The following TLE2 variants were observed in gnomAD, a reference collection of about 807,000 sequenced individuals.
TLE2 encodes TLE family member 2, transcriptional corepressor.
A neutral mutation model predicts 97.2 loss-of-function variants in TLE2; 74 were observed. The observed-to-expected ratio is 0.76, with a 90% CI of 0.63 to 0.92. The LOEUF is 0.92. Ranked by LOEUF, TLE2 falls within the 40% of genes least tolerant of loss-of-function variation. The probability of loss-of-function intolerance (pLI) is 0.00; values close to 1 mark genes in which losing one functional copy is unlikely to be tolerated. For missense variants in TLE2, 1,038 were observed against 1,008.7 expected (o/e 1.03, Z -0.39); for synonymous variants, 499 against 432.1 (o/e 1.15, Z -1.92).
chr19:3,029,957 C>A (rs2090009606), upstream of TLE2, among the ~76,000 whole-genome samples: 1 of 152,084 alleles, frequency 6.6e-6, no homozygotes, highest in Admixed American at 6.6e-5. Context: ...CCACCACGCC[C>A]AGCTAATTTT....
rs374951690 is a variant in TLE2, at chr19:3,005,710, C to T, written c.1748+11G>A. On this transcript the variant is annotated intron_variant, in intron 16 of 19. Coordinates refer to ENST00000262953, the MANE Select transcript of TLE2 (RefSeq NM_003260.5). ...GGGCTTGCCCAAGGTCCCAGCGCAC[C>T]TGCCACCCACCTGACCATAGTCTGA... The T allele has an allele frequency of 5.1e-4, 826 of 1,611,110 alleles. No homozygotes were observed. The highest frequency in any genetic ancestry group is 6.3e-4 in the Non-Finnish European group (743 of 1,177,834).
rs777614078 is a variant in TLE2, at chr19:2,997,784, G to T, written c.*64C>A. On this transcript the variant is annotated 3_prime_UTR_variant, in exon 20 of 20. Transcript: ENST00000262953. ...AGGGCTGGGAGGCGGCTGCTAGGATGTCTGTCCTGGCTGCTGATTCCCCTG... is the reference window on the plus strand; with the variant it reads ...AGGGCTGGGAGGCGGCTGCTAGGATTTCTGTCCTGGCTGCTGATTCCCCTG... The T allele has an allele frequency of 9.4e-5, 117 of 1,249,172 alleles. No homozygotes were observed. Among genetic ancestry groups the T allele is most frequent in the Non-Finnish European group, 1.2e-4 (108 of 870,256 alleles). 77.4% of individuals were successfully genotyped at this position (1,249,172 alleles called of 1,614,324 possible).
chr19:3,021,114 A>AG (rs148602558), intron 5 of TLE2, among the ~76,000 whole-genome samples: 1,229 of 45,252 alleles, frequency 0.027, 58 homozygotes, highest in Non-Finnish European at 0.037. Context: ...AAAAAAAAAA[A>AG]GGGGGGGGGG....
intron 5 of TLE2, chr19:3,020,034 G>C (rs1163646980): frequency 9.8e-6 from 5 of 509,298 alleles, no homozygotes; most frequent in Non-Finnish European, 1.7e-5. Flanking sequence ...TGGAATCCCA[G>C]CGCTTTGGAA....
intron 5 of TLE2, 118 bp downstream of exon 5, chr19:3,024,902 A>G: frequency 2.3e-6 from 2 of 861,720 alleles, no homozygotes; most frequent in East Asian, 2.7e-5. Flanking sequence ...AATGGTCTCT[A>G]TCCGTGCTGC....
chr19:3,016,634 G>A (rs1055612491), intron 8 of TLE2, among the ~76,000 whole-genome samples: 1 of 151,200 alleles, frequency 6.6e-6, no homozygotes, highest in Admixed American at 6.6e-5. Flanking sequence ...AAAACTTACT[G>A]ACACAGCTCA....
rs753754772 is a variant in TLE2 at position 2,997,790 on chromosome 19, C to A, written c.*58G>T. ...GGGAGGCGGCTGCTAGGATGTCTGT[C>A]CTGGCTGCTGATTCCCCTGGGAGTC... On this transcript the variant is annotated 3_prime_UTR_variant, in exon 20 of 20. Transcript: ENST00000262953. 7.6e-7 allele frequency: 1 copy of A among 1,319,986 alleles called. No homozygotes were observed. The highest frequency in any genetic ancestry group is 1.5e-5 in the African/African-American group (1 of 68,584). 81.8% of individuals were successfully genotyped at this position (1,319,986 alleles called of 1,614,324 possible). A position where few individuals can be genotyped will look rare whatever the true frequency, so the allele number is the denominator to read the frequency against.
intron 7 of TLE2, 103 bp from the exon 8 acceptor site, chr19:3,017,962 C>A (rs1040908535): frequency 3.0e-6 from 3 of 1,000,058 alleles, no homozygotes; most frequent in African/African-American, 1.7e-5. Flanking sequence ...AAGCCCCCCG[C>A]CCCCACCACC....
intron 19 of TLE2, among the ~76,000 whole-genome samples, chr19:3,000,360 C>T (rs111756954): frequency 2.4e-4 from 36 of 152,126 alleles, no homozygotes; most frequent in African/African-American, 7.5e-4. Context: ...CAGGCATGAG[C>T]GACCGTGCCC....
chr19:3,000,538 G>C, intron 19 of TLE2, 109 bp downstream of exon 19: 1 of 969,884 alleles, frequency 1.0e-6, no homozygotes, highest in Non-Finnish European at 1.5e-6. Flanking sequence ...GGAGGGGTTA[G>C]GGTGGCGGGG....
At position 3,006,429 on chromosome 19, in the gene TLE2, G is replaced by A. The variant is rs377481444; in HGVS notation, c.1491C>T (p.Leu497=). The A allele has an allele frequency of 3.7e-6, 6 of 1,609,918 alleles. No individual in the cohort carries two copies. The highest frequency in any genetic ancestry group is 1.3e-5 in the African/African-American group (1 of 74,920). The stretch of plus-strand genomic sequence containing the variant: ...CCCACCCCGCCCTCACCAGGCAGTC[G>A]AGCTGGGCCACGGGCGTCTTGGCCC... ...QPGAKTPVAQ[L]DCLNRDNYIR... Residue 497 remains leucine, a synonymous_variant, in exon 15 of 20, where the codon CTC becomes CTT. Coordinates refer to ENST00000262953, the MANE Select transcript of TLE2 (RefSeq NM_003260.5).
intron 1 of TLE2, among the ~76,000 whole-genome samples, chr19:3,038,617 G>A (rs561444720): frequency 2.0e-5 from 3 of 152,302 alleles, no homozygotes; most frequent in African/African-American, 7.2e-5. Flanking sequence ...CCATTGAAAT[G>A]TGAATCAGGG....
In TLE2 at chr19:3,013,563, C is replaced by T. The variant is rs144917343; in HGVS notation, c.873+106G>A. Reference sequence around the variant, plus strand: ...AGGGAAAGGGTGGACAATGCCAGCCCGGCTGGCTGATTTCTCATCACTGCC... The same window carrying T: ...AGGGAAAGGGTGGACAATGCCAGCCTGGCTGGCTGATTTCTCATCACTGCC... On this transcript the variant is annotated intron_variant, in intron 11 of 19. Transcript: ENST00000262953. The T allele has an allele frequency of 5.8e-5, 65 of 1,112,180 alleles. No homozygotes were observed. In the East Asian group the frequency reaches 1.6e-3, roughly 28 times the overall value. 68.9% of individuals were successfully genotyped at this position (1,112,180 alleles called of 1,614,324 possible).
At chr19:3,026,592 T>TGAGGTCTATCTCA (rs1568249583) in intron 4 of TLE2, among the ~76,000 whole-genome samples, 70 of 147,420 alleles carry the variant, frequency 4.7e-4, no homozygotes, top group African/African-American at 1.8e-3. Flanking sequence ...GGTCTATCTC[T>TGAGGTCTATCTCA]GAACCCTGAG....
intron 4 of TLE2, chr19:3,025,704 C>T: frequency 7.1e-6 from 5 of 704,598 alleles, no homozygotes; most frequent in Non-Finnish European, 8.7e-6. Context: ...ACAATGGCCA[C>T]GGACTTTGCC....
At chr19:3,022,974 GGAGCTGGCCCTC>G (rs1264381949) in intron 5 of TLE2, among the ~76,000 whole-genome samples, 1 of 151,998 alleles carries the variant, frequency 6.6e-6, no homozygotes, top group Non-Finnish European at 1.5e-5. Flanking sequence ...GTGGAGGGGT[GGAGCTGGCCCTC>G]GAGCTGCAGT....
Position 3,029,253 on chromosome 19 carries a change from G to C in TLE2, c.-349C>G. The C allele has an allele frequency of 4.1e-6, 1 of 242,436 alleles. No homozygotes were observed. Among genetic ancestry groups the C allele is most frequent in the Non-Finnish European group, 6.5e-6 (1 of 154,788 alleles). The allele number at this position is 242,436 out of a possible 1,614,324, so 15.0% of individuals were successfully genotyped here. On this transcript the variant is annotated 5_prime_UTR_variant, in exon 1 of 20. Transcript: ENST00000262953. ...CGGCGCGGGCGGCGGGCCCCGCGCG[G>C]AGCCGCCTCCCTCCGGCGGGGCTCG...
At chr19:3,004,345 A>G (rs1427272127) in intron 17 of TLE2, among the ~76,000 whole-genome samples, 1 of 151,998 alleles carries the variant, frequency 6.6e-6, no homozygotes, top group East Asian at 1.9e-4. Context: ...GGTTGGACAT[A>G]AAGAGCTTGG....
intron 4 of TLE2, chr19:3,025,771 AC>A: frequency 4.4e-6 from 1 of 226,148 alleles, no homozygotes; most frequent in Non-Finnish European, 7.4e-6. Flanking sequence ...TCCTATTCCC[AC>A]CAGGAGGGTG....
Sources: allele counts gnomAD v4.1 joint callset (sites outside exome capture counted in the v4.1 genomes callset), GRCh38; gene constraint gnomAD v4.1.1; transcripts MANE v1.5; gene names NCBI Gene and HGNC (gene_info 2026-07-23, HGNC 2026-07-21).